Variants in CTNNAL1 observed in about 807,000 individuals in gnomAD.
CTNNAL1 encodes the protein catenin alpha like 1.
A neutral mutation model predicts 93.6 loss-of-function variants in CTNNAL1; 69 were observed. The ratio of observed to expected loss-of-function variants is 0.74; its 90% CI spans 0.61 to 0.90. The LOEUF (loss-of-function observed/expected upper bound fraction) is 0.90. Ranked by LOEUF, CTNNAL1 falls within the 40% of genes least tolerant of loss-of-function variation. The probability of loss-of-function intolerance (pLI) is 0.00; values close to 1 mark genes in which losing one functional copy is unlikely to be tolerated. For synonymous variants in CTNNAL1, 286 were observed against 305.4 expected (o/e 0.94, Z 0.66); for missense variants, 836 against 862.0 (o/e 0.97, Z 0.38).
At chr9:108,959,558 C>A (rs373198061) in intron 11 of CTNNAL1, among the ~76,000 whole-genome samples, 145 of 151,878 alleles carry the variant, frequency 9.5e-4, no homozygotes, top group Non-Finnish European at 1.4e-3. Context: ...GCCTGGGTGA[C>A]AAAGTGAGAC....
At chr9:109,011,234 T>C (rs1588001059) in intron 1 of CTNNAL1, among the ~76,000 whole-genome samples, 1 of 152,220 alleles carries the variant, frequency 6.6e-6, no homozygotes, top group East Asian at 1.9e-4. Context: ...TTCTTGATTT[T>C]AACTTTTTCT....
intron 9 of CTNNAL1, among the ~76,000 whole-genome samples, chr9:108,970,930 C>A (rs1831097445): frequency 6.6e-6 from 1 of 152,096 alleles, no homozygotes; most frequent in Non-Finnish European, 1.5e-5. Flanking sequence ...TCCAATGGAG[C>A]TAACATTGGA....
At chr9:108,999,388 C>T (rs1826702686) in intron 1 of CTNNAL1, 132 bp from the exon 2 acceptor site, 1 of 781,100 alleles carries the variant, frequency 1.3e-6, no homozygotes, top group Admixed American at 3.6e-5. Context: ...AGAGATGCTT[C>T]AACAGAGACA....
chr9:108,985,513 C>T (rs1293726533), intron 4 of CTNNAL1, among the ~76,000 whole-genome samples: 2 of 152,180 alleles, frequency 1.3e-5, no homozygotes, highest in African/African-American at 4.8e-5. Flanking sequence ...GTTAGTCCTA[C>T]ACAATAATAT....
At position 108,979,404 on chromosome 9, in the gene CTNNAL1, CA is replaced by C; in HGVS notation, c.977del (p.Leu326TrpfsTer35). ...AATCAGTAAAGTCCTCCATACGCTC[CA>C]AGATGACTTCCAATGTCACAGAAAG... ...ENLSVTLEVI[L>X]ERMEDFTDSA... On this transcript the variant is annotated frameshift_variant, in exon 7 of 19. Coordinates refer to ENST00000325551, the MANE Select transcript of CTNNAL1 (RefSeq NM_003798.4). LOFTEE classifies it high-confidence loss of function. 6.2e-7 allele frequency: 1 copy of C among 1,614,126 alleles called. No individual in the cohort carries two copies. The highest frequency in any genetic ancestry group is 2.2e-5 in the East Asian group (1 of 44,878).
intron 2 of CTNNAL1, among the ~76,000 whole-genome samples, chr9:108,996,648 T>C (rs1209703714): frequency 6.6e-6 from 1 of 152,176 alleles, no homozygotes; most frequent in Non-Finnish European, 1.5e-5. Flanking sequence ...ACTCAGGTTG[T>C]CCTTTTGTTT....
At position 108,984,288 on chromosome 9, in the gene CTNNAL1, C is replaced by T. The variant is rs1319186005; in HGVS notation, c.729+59G>A. 4.8e-6 allele frequency: 4 copies of T among 825,530 alleles called. No homozygotes were observed. The East Asian group carries it at 9.8e-5, about 20-fold the overall frequency. 51.1% of individuals were successfully genotyped at this position (825,530 alleles called of 1,614,324 possible). ...AAATGTAAATTATGTAAGTTAAATG[C>T]ATTTAGTCGGGTGTTCTAATTATTA... On this transcript the variant is annotated intron_variant, in intron 5 of 18. Coordinates refer to ENST00000325551, the MANE Select transcript of CTNNAL1 (RefSeq NM_003798.4).
chr9:108,970,333 C>T (rs1831075104), intron 10 of CTNNAL1, 69 bp downstream of exon 10: 2 of 1,370,326 alleles, frequency 1.5e-6, no homozygotes, highest in African/African-American at 1.5e-5. Context: ...TTATACCTTC[C>T]ATCCACACAA....
chr9:109,005,229 C>A lies in CTNNAL1; in HGVS notation c.142-5973G>T, dbSNP rs184831728. Among the ~76,000 whole-genome samples the A allele has an allele frequency of 1.2e-3, 189 of 152,156 alleles. 1 individual carries two copies. Among genetic ancestry groups the A allele is most frequent in the Non-Finnish European group, 2.3e-3 (156 of 68,016 alleles). ...GGCACCAGCTTAATCCTTTTCCACA[C>A]CTGACAGACTCTAGGGAATTGTTAC... On this transcript the variant is annotated intron_variant, in intron 1 of 18. Coordinates refer to ENST00000325551, the MANE Select transcript of CTNNAL1 (RefSeq NM_003798.4).
chr9:108,975,592 G>A (rs1232922455), intron 8 of CTNNAL1, among the ~76,000 whole-genome samples: 1 of 152,170 alleles, frequency 6.6e-6, no homozygotes, highest in Non-Finnish European at 1.5e-5. Context: ...TATCTAGTTG[G>A]AGCTGGGAAA....
chr9:109,011,347 T>C (rs1189444681), intron 1 of CTNNAL1, among the ~76,000 whole-genome samples: 4 of 150,876 alleles, frequency 2.7e-5, no homozygotes, highest in Admixed American at 6.6e-5. Context: ...GCTGTGACCC[T>C]GAACAAGGCT....
At chr9:108,972,968 G>T in intron 8 of CTNNAL1, 135 bp from the exon 9 acceptor site, 4 of 1,090,358 alleles carry the variant, frequency 3.7e-6, no homozygotes, top group South Asian at 1.8e-5. Flanking sequence ...AAGAGAAGCC[G>T]CAAAGCAGTT....
intron 1 of CTNNAL1, among the ~76,000 whole-genome samples, chr9:109,001,085 T>C (rs568083548): frequency 6.7e-6 from 1 of 149,942 alleles, no homozygotes. Context: ...GGCAGGAGAA[T>C]TGCTTGAACC....
At chr9:108,993,154 C>A (rs1831877152) in intron 2 of CTNNAL1, among the ~76,000 whole-genome samples, 1 of 152,100 alleles carries the variant, frequency 6.6e-6, no homozygotes, top group African/African-American at 2.4e-5. Flanking sequence ...AGTCAAAAAC[C>A]AAAGAATACC....
intron 2 of CTNNAL1, among the ~76,000 whole-genome samples, chr9:108,998,277 C>A (rs1832095785): frequency 6.6e-6 from 1 of 152,094 alleles, no homozygotes; most frequent in South Asian, 2.1e-4. Context: ...ATGTACAGGT[C>A]AACCTCCCAC....
intron 2 of CTNNAL1, 120 bp from the exon 3 acceptor site, chr9:108,992,939 G>C: frequency 1.8e-6 from 2 of 1,109,954 alleles, no homozygotes; most frequent in Non-Finnish European, 2.5e-6. Flanking sequence ...CTTACTTCAG[G>C]AACAAGAAAC....
intron 2 of CTNNAL1, 117 bp from the exon 3 acceptor site, chr9:108,992,936 C>A: frequency 8.8e-7 from 1 of 1,133,548 alleles, no homozygotes. Context: ...AGTCTTACTT[C>A]AGGAACAAGA....
chr9:108,976,083 C>G (rs1831258404), intron 8 of CTNNAL1, among the ~76,000 whole-genome samples: 1 of 152,166 alleles, frequency 6.6e-6, no homozygotes, highest in African/African-American at 2.4e-5. Context: ...ACATATACAG[C>G]CATGTAATCA....
chr9:108,972,864 G>GGGGGGGGGGCCCCCCCCCCCCC, intron 8 of CTNNAL1, 31 bp from the exon 9 acceptor site: 10 of 142,518 alleles, frequency 7.0e-5, no homozygotes, highest in Middle Eastern at 1.9e-3. Context: ...GGGGGGGTGG[G>GGGGGGGGGGCCCCCCCCCCCCC]AGGGTGGAGA....
Sources: allele counts gnomAD v4.1 joint callset (sites outside exome capture counted in the v4.1 genomes callset), GRCh38; gene constraint gnomAD v4.1.1; transcripts MANE v1.5; gene names NCBI Gene and HGNC (gene_info 2026-07-23, HGNC 2026-07-21).